DPP6: variants seen among roughly 807,000 people sequenced by gnomAD.
The protein encoded by DPP6 is dipeptidyl peptidase like 6.
DPP6 carries 69 observed loss-of-function variants against 122.6 expected under a neutral mutation model. The observed-to-expected ratio is 0.56, with a 90% CI of 0.46 to 0.69. The LOEUF (loss-of-function observed/expected upper bound fraction) is 0.69. Among genes scored for constraint, DPP6 ranks in the 30% least tolerant of loss-of-function variants. The pLI is 0.00. For synonymous variants in DPP6, 418 were observed against 433.1 expected (o/e 0.97, Z 0.43); for missense variants, 928 against 1,116.9 (o/e 0.83, Z 2.41).
intron 3 of DPP6, among the ~76,000 whole-genome samples, chr7:154,539,191 C>A (rs1292623187): frequency 6.6e-6 from 1 of 152,126 alleles, no homozygotes; most frequent in Non-Finnish European, 1.5e-5. Context: ...TTTCCTTCTC[C>A]CCACTGTGGG....
At chr7:153,932,123 C>T (rs1244997021) in intron 1 of DPP6, among the ~76,000 whole-genome samples, 3 of 135,712 alleles carry the variant, frequency 2.2e-5, no homozygotes, top group Admixed American at 7.5e-5. Context: ...CATTTTGTGC[C>T]TTTTTTTTTT....
intron 1 of DPP6, among the ~76,000 whole-genome samples, chr7:153,951,348 C>G (rs539450608): frequency 2.0e-4 from 31 of 152,280 alleles, no homozygotes; most frequent in Admixed American, 5.9e-4. Context: ...CTGACCTGCT[C>G]CTGTTTCAGC....
At chr7:154,504,831 T>A (rs1252682597) in intron 3 of DPP6, among the ~76,000 whole-genome samples, 1 of 151,962 alleles carries the variant, frequency 6.6e-6, no homozygotes, top group African/African-American at 2.4e-5. Flanking sequence ...CTATTAAAAT[T>A]ACATGTTTTT....
chr7:153,839,576 C>T, the DPP6 span, among the ~76,000 whole-genome samples: 1 of 152,242 alleles, frequency 6.6e-6, no homozygotes, highest in African/African-American at 2.4e-5. Flanking sequence ...GGGCAGGCTC[C>T]TTTCTGAAGT....
chr7:154,504,439 C>G (rs566797327), intron 3 of DPP6, among the ~76,000 whole-genome samples: 1 of 152,100 alleles, frequency 6.6e-6, no homozygotes, highest in Non-Finnish European at 1.5e-5. Context: ...AGCGATGTGA[C>G]GTATGATCAT....
chr7:154,404,675 A>G (rs968938968), intron 1 of DPP6, among the ~76,000 whole-genome samples: 2 of 152,212 alleles, frequency 1.3e-5, no homozygotes, highest in African/African-American at 4.8e-5. Context: ...TTTGCTTATA[A>G]AATCAGTACC....
intron 1 of DPP6, among the ~76,000 whole-genome samples, chr7:153,917,934 C>G (rs914432794): frequency 1.3e-5 from 2 of 152,182 alleles, no homozygotes; most frequent in South Asian, 2.1e-4. Context: ...CTACCCAATT[C>G]AGAAAATTAC....
intron 5 of DPP6, among the ~76,000 whole-genome samples, chr7:154,621,249 T>G (rs1834629764): frequency 6.6e-6 from 1 of 152,224 alleles, no homozygotes; most frequent in Non-Finnish European, 1.5e-5. Flanking sequence ...TATAATATGT[T>G]TATGTCATGT....
intron 7 of DPP6, among the ~76,000 whole-genome samples, chr7:154,709,759 T>G (rs763485274): frequency 2.6e-5 from 4 of 152,160 alleles, no homozygotes; most frequent in Admixed American, 1.3e-4. Flanking sequence ...CCATCTTTGT[T>G]GTTGGTATAT....
intron 1 of DPP6, among the ~76,000 whole-genome samples, chr7:154,030,430 G>A (rs1022322150): frequency 3.9e-5 from 6 of 152,122 alleles, no homozygotes; most frequent in African/African-American, 1.4e-4. Context: ...TTACAGCCGT[G>A]ATGCTGATGA....
intron 6 of DPP6, among the ~76,000 whole-genome samples, chr7:154,662,889 A>G (rs564189613): frequency 7.6e-5 from 4 of 52,714 alleles, no homozygotes; most frequent in African/African-American, 1.8e-4. Context: ...AGTCATGGTG[A>G]ATCACCATGG....
intron 8 of DPP6, among the ~76,000 whole-genome samples, chr7:154,752,082 G>C (rs897292045): frequency 6.6e-5 from 10 of 152,148 alleles, no homozygotes; most frequent in Admixed American, 5.2e-4. Flanking sequence ...GGAGGAATGC[G>C]CCATCTTTGT....
At chr7:154,523,460 T>C (rs893143325) in intron 3 of DPP6, among the ~76,000 whole-genome samples, 1 of 152,158 alleles carries the variant, frequency 6.6e-6, no homozygotes, top group African/African-American at 2.4e-5. Flanking sequence ...TTCCCATACA[T>C]CCACAGGAAC....
At chr7:154,250,220 G>C (rs1028201311) in intron 1 of DPP6, among the ~76,000 whole-genome samples, 2 of 152,128 alleles carry the variant, frequency 1.3e-5, no homozygotes, top group African/African-American at 4.8e-5. Flanking sequence ...CGTGAGTCTT[G>C]CTGATGCTCC....
chr7:153,913,339 C>CTGGGATTACAGGCG (rs1800168039), intron 1 of DPP6, among the ~76,000 whole-genome samples: 1 of 152,212 alleles, frequency 6.6e-6, no homozygotes, highest in Admixed American at 6.5e-5. Context: ...TCCCAAAGTG[C>CTGGGATTACAGGCG]TGGGATTACA....
chr7:153,975,275 T>C (rs1182248116), intron 1 of DPP6, among the ~76,000 whole-genome samples: 1 of 150,122 alleles, frequency 6.7e-6, no homozygotes, highest in Non-Finnish European at 1.5e-5. Flanking sequence ...ATGAAAGGAG[T>C]CTTCTGTGAA....
chr7:154,530,140 A>T (rs1265521099), intron 3 of DPP6, among the ~76,000 whole-genome samples: 1 of 152,010 alleles, frequency 6.6e-6, no homozygotes, highest in Non-Finnish European at 1.5e-5. Flanking sequence ...AAAAAAAAAA[A>T]GAAAAAGAAA....
chr7:154,491,052 C>T (rs1267705680), intron 3 of DPP6, among the ~76,000 whole-genome samples: 1 of 152,222 alleles, frequency 6.6e-6, no homozygotes, highest in African/African-American at 2.4e-5. Flanking sequence ...ATGCCCCTTT[C>T]TGGCTGACAT....
intron 1 of DPP6, among the ~76,000 whole-genome samples, chr7:154,083,112 G>T (rs1326615173): frequency 1.3e-5 from 2 of 152,046 alleles, no homozygotes; most frequent in Non-Finnish European, 2.9e-5. Flanking sequence ...ACCTCCCAAA[G>T]TGCTGGGATT....
Sources: allele counts gnomAD v4.1 joint callset (sites outside exome capture counted in the v4.1 genomes callset), GRCh38; gene constraint gnomAD v4.1.1; transcripts MANE v1.5; gene names NCBI Gene and HGNC (gene_info 2026-07-23, HGNC 2026-07-21).